Variants in ZNF195 observed in about 807,000 individuals in gnomAD.
The protein encoded by ZNF195 is hypoxia-regulated factor-1.
Under a neutral mutation model 19.5 loss-of-function variants are expected in ZNF195, and 11 were observed. The ratio of observed to expected loss-of-function variants is 0.57; its 90% CI spans 0.36 to 0.94. The LOEUF is 0.94. ZNF195 is among the 40% of genes least tolerant of loss of function. The pLI, the probability that ZNF195 is intolerant of heterozygous loss-of-function variation, is 0.01. For missense variants in ZNF195, 582 were observed against 709.0 expected (o/e 0.82, Z 2.03); for synonymous variants, 214 against 248.1 (o/e 0.86, Z 1.29).
chr11:3,361,617 A>T, intron 4 of ZNF195, 126 bp downstream of exon 4: 1 of 479,392 alleles, frequency 2.1e-6, no homozygotes, highest in South Asian at 2.6e-5. Context: ...AAGAAGCTCA[A>T]CACATCAACT....
intron 1 of ZNF195, among the ~76,000 whole-genome samples, chr11:3,374,899 C>G (rs772683378): frequency 2.8e-4 from 42 of 152,212 alleles, no homozygotes; most frequent in Non-Finnish European, 5.1e-4. Context: ...TACGATGTCT[C>G]TAACAGCGCT....
chr11:3,365,304 A>G (rs1430408625), intron 3 of ZNF195, among the ~76,000 whole-genome samples: 1 of 152,232 alleles, frequency 6.6e-6, no homozygotes, highest in Non-Finnish European at 1.5e-5. Context: ...TTTAACAGAC[A>G]TGCATAGAAC....
intron 1 of ZNF195, among the ~76,000 whole-genome samples, chr11:3,376,126 C>T (rs1245717745): frequency 6.6e-6 from 1 of 152,188 alleles, no homozygotes; most frequent in East Asian, 1.9e-4. Context: ...TCCATCCCAA[C>T]TCTAACTGCA....
chr11:3,373,609 G>A (rs1407716321), intron 1 of ZNF195: 1 of 1,550,492 alleles, frequency 6.4e-7, no homozygotes, highest in Admixed American at 2.0e-5. Flanking sequence ...TCTTTCTCCT[G>A]CTTCTCTGGG....
chr11:3,360,039 T>G lies in ZNF195; in HGVS notation c.969A>C (p.Gly323=). The G allele has an allele frequency of 6.2e-7, 1 of 1,614,044 alleles. No individual in the cohort carries two copies. Among genetic ancestry groups the G allele is most frequent in the Non-Finnish European group, 8.5e-7 (1 of 1,180,028 alleles). The change falls in exon 6 of 6, where the codon GGA becomes GGC. Residue 323 remains glycine (G), a synonymous_variant. Transcript: ENST00000399602. Reference sequence around the variant, plus strand: ...ATTCTTCACATCTGTAATGTTCCCCTCCGGCATAAATTCTATTTTTAGTAA... The same window carrying G: ...ATTCTTCACATCTGTAATGTTCCCCGCCGGCATAAATTCTATTTTTAGTAA... ...SVLTKNRIYA[G]GEHYRCEEFG... is the part of the protein sequence containing the mutation.
At chr11:3,368,030 C>T (rs1157653685) in intron 3 of ZNF195, among the ~76,000 whole-genome samples, 2 of 151,878 alleles carry the variant, frequency 1.3e-5, no homozygotes, top group Non-Finnish European at 2.9e-5. Context: ...GTGCCGAGAT[C>T]GCGCCATTGC....
At position 3,359,025 on chromosome 11, in the gene ZNF195, A is replaced by G; in HGVS notation, c.*93T>C. On this transcript the variant is annotated 3_prime_UTR_variant, in exon 6 of 6. Coordinates refer to ENST00000399602, the MANE Select transcript of ZNF195 (RefSeq NM_001130520.3). This position sits in a 1 kb window ranked among gnomAD's most constrained non-coding sequence, Gnocchi z 5.5. ...AGGTCTTTCAATAGTAATTACATTTATGATAACTTTATTAAGTCTGAACTC... is the reference window on the plus strand; with the variant it reads ...AGGTCTTTCAATAGTAATTACATTTGTGATAACTTTATTAAGTCTGAACTC... The G allele has an allele frequency of 7.2e-7, 1 of 1,381,960 alleles. No individual in the cohort carries two copies. Among genetic ancestry groups the G allele is most frequent in the East Asian group, 2.4e-5 (1 of 41,016 alleles). 85.6% of individuals were successfully genotyped at this position (1,381,960 alleles called of 1,614,324 possible).
rs1848486044 is a variant in ZNF195 at position 3,358,608 on chromosome 11, A to AT, written c.*509dup. On this transcript the variant is annotated 3_prime_UTR_variant, in exon 6 of 6. Transcript: ENST00000399602. Reference sequence around the variant, plus strand: ...AATATTCGCTTTTCAAAAATTTAACATTTTTTCAATGCAAAAAAGTATATT... The same window carrying AT: ...AATATTCGCTTTTCAAAAATTTAACATTTTTTTCAATGCAAAAAAGTATATT... The AT allele has an allele frequency of 6.6e-6, 1 of 152,192 alleles. No homozygotes were observed. The highest frequency in any genetic ancestry group is 2.4e-5 in the African/African-American group (1 of 41,442). 9.4% of individuals were successfully genotyped at this position (152,192 alleles called of 1,614,324 possible). A position where few individuals can be genotyped will look rare whatever the true frequency, so the allele number is the denominator to read the frequency against.
chr11:3,370,802 T>C (rs1564923979), intron 3 of ZNF195, 173 bp downstream of exon 3: 2 of 582,670 alleles, frequency 3.4e-6, no homozygotes, highest in East Asian at 5.4e-5. Flanking sequence ...TATACAAAAT[T>C]TGAGAGAATG....
At chr11:3,366,914 A>C (rs757508223) in intron 3 of ZNF195, 1 of 454,324 alleles carries the variant, frequency 2.2e-6, no homozygotes, top group South Asian at 1.6e-5. Flanking sequence ...AAAACACAAA[A>C]GTTAGCTGGG....
At chr11:3,367,063 T>TC (rs1564920432) in intron 3 of ZNF195, 4 of 138,148 alleles carry the variant, frequency 2.9e-5, no homozygotes, top group African/African-American at 2.0e-4. Context: ...AAACTCTGTG[T>TC]AAAAAAAAAA....
chr11:3,360,810 A>G (rs1051426833), intron 4 of ZNF195, 22 bp from the exon 5 acceptor site: 2 of 1,549,604 alleles, frequency 1.3e-6, no homozygotes, highest in Non-Finnish European at 1.7e-6. Context: ...ATAAGAAGAA[A>G]AACAGTCTGT....
At chr11:3,369,973 C>T (rs1849112296) in intron 3 of ZNF195, among the ~76,000 whole-genome samples, 2 of 152,170 alleles carry the variant, frequency 1.3e-5, no homozygotes, top group Admixed American at 6.5e-5. Context: ...CAAATTATTA[C>T]ATTGTACACA....
intron 1 of ZNF195, chr11:3,377,542 G>A (rs1849525514): frequency 1.9e-6 from 2 of 1,026,998 alleles, no homozygotes; most frequent in South Asian, 3.2e-5. Context: ...GCATGTGATT[G>A]GCTGATCAGC....
chr11:3,378,139 G>A (rs2412171), intron 1 of ZNF195, among the ~76,000 whole-genome samples: 109,694 of 151,780 alleles, frequency 0.72, 40,334 homozygotes, highest in Middle Eastern at 0.79. Flanking sequence ...GTGAAACCCC[G>A]TCTCTACTAA....
chr11:3,376,543 G>T (rs921583195), intron 1 of ZNF195, among the ~76,000 whole-genome samples: 7 of 152,284 alleles, frequency 4.6e-5, no homozygotes, highest in South Asian at 2.1e-4. Flanking sequence ...CCCAATCAGG[G>T]TTATCCACTT....
At chr11:3,365,270 G>C (rs1848819130) in intron 3 of ZNF195, among the ~76,000 whole-genome samples, 1 of 152,140 alleles carries the variant, frequency 6.6e-6, no homozygotes, top group Non-Finnish European at 1.5e-5. Flanking sequence ...AAGAAAGCTT[G>C]GGCAACATTA....
In ZNF195 at chr11:3,359,993, A is replaced by G. The variant is rs772121000; in HGVS notation, c.1015T>C (p.Cys339Arg). ...TGCTCATGTTCAGTAAGGTGGGAGC[A>G]CTGGTTAAATACTTTGCCAAATTCT... is the stretch of plus-strand genomic sequence containing the variant. ...CEEFGKVFNQ[C>R]SHLTEHEHGT... Residue 339 changes from cysteine to arginine, a missense_variant, in exon 6 of 6, where the codon TGC (cysteine) becomes CGC (arginine). Transcript: ENST00000399602. The surrounding 1 kb of genome is among the most constrained non-coding windows in gnomAD (Gnocchi z 5.5). The G allele has an allele frequency of 5.0e-6, 8 of 1,613,972 alleles. No individual in the cohort carries two copies. The highest frequency in any genetic ancestry group is 5.9e-6 in the Non-Finnish European group (7 of 1,180,032).
In ZNF195 at chr11:3,379,120, G is replaced by T. The variant is rs1370325715; in HGVS notation, c.-80C>A. The T allele has an allele frequency of 2.8e-6, 4 of 1,414,602 alleles. No individual in the cohort carries two copies. Among genetic ancestry groups the T allele is most frequent in the Non-Finnish European group, 2.8e-6 (3 of 1,074,074 alleles). 87.6% of individuals were successfully genotyped at this position (1,414,602 alleles called of 1,614,324 possible). Reference sequence around the variant, plus strand: ...GGTCACACGACCTACGGCTAGCAGGGGACACAGAGCCGCGGGGACAGGAAG... The same window carrying T: ...GGTCACACGACCTACGGCTAGCAGGTGACACAGAGCCGCGGGGACAGGAAG... On this transcript the variant is annotated 5_prime_UTR_variant, in exon 1 of 6. Transcript: ENST00000399602.
Sources: allele counts gnomAD v4.1 joint callset (sites outside exome capture counted in the v4.1 genomes callset), GRCh38; gene constraint gnomAD v4.1.1; non-coding constraint Gnocchi (gnomAD v3.1); transcripts MANE v1.5; gene names NCBI Gene and HGNC (gene_info 2026-07-23, HGNC 2026-07-21).